Variants in URB1 observed in about 807,000 individuals in gnomAD.
URB1 encodes the protein nucleolar pre-ribosomal-associated protein 1.
In URB1, 197 loss-of-function variants were observed where a neutral mutation model predicts 242.3. The observed-to-expected ratio is 0.81, with a 90% confidence interval of 0.72 to 0.91. The LOEUF is 0.91. URB1 is among the 40% of genes least tolerant of loss of function. The probability of loss-of-function intolerance (pLI) is 0.00; values close to 1 mark genes in which losing one functional copy is unlikely to be tolerated. For missense variants in URB1, 2,721 were observed against 2,860.5 expected, an observed-to-expected ratio of 0.95 and a Z score of 1.11; for synonymous variants, 1,153 against 1,201.8, an observed-to-expected ratio of 0.96 and a Z score of 0.84.
rs113158287 is a variant in URB1, at chr21:32,373,433, T to TA, written c.876+213dup. Among the ~76,000 whole-genome samples, 41 of 145,426 alleles carry TA rather than the reference T, an allele frequency of 2.8e-4. No individual in the cohort carries two copies. In the East Asian group the frequency reaches 3.7e-3, roughly 13 times the overall value. ...CCCAAGGAAATCATAGTTTTCTAAT[T>TA]AAAAAAAAAAATTATTAGCATGATT... On this transcript the variant is annotated intron_variant, in intron 7 of 38. Coordinates refer to ENST00000382751, the MANE Select transcript of URB1 (RefSeq NM_014825.3).
intron 5 of URB1, chr21:32,377,221 G>A (rs779180238): frequency 2.1e-5 from 11 of 518,896 alleles, no homozygotes; most frequent in East Asian, 1.6e-4. Flanking sequence ...AGCAGCCTAC[G>A]GGAACAGAGG....
At chr21:32,341,358 G>T in intron 25 of URB1, 108 bp downstream of exon 25, 3 of 1,105,844 alleles carry the variant, frequency 2.7e-6, no homozygotes, top group Non-Finnish European at 2.6e-6. Context: ...AGGTGACATC[G>T]GCTCCACCAC....
In URB1 at chr21:32,366,659, G is replaced by A. The variant is rs926060771; in HGVS notation, c.1294C>T (p.Pro432Ser). 1.3e-6 allele frequency: 2 copies of A among 1,551,508 alleles called. No homozygotes were observed. Among genetic ancestry groups the A allele is most frequent in the South Asian group, 1.2e-5 (1 of 84,050 alleles). Residue 432 changes from proline to serine, a missense_variant, in exon 10 of 39, where the codon CCC becomes TCC. Physicochemically the swap from Pro to Ser is moderately conservative, Grantham distance 74. Coordinates refer to ENST00000382751, the MANE Select transcript of URB1 (RefSeq NM_014825.3). ...LLAMVMVTTVPLVCNKSMFTQ... is the reference protein window; with the variant it reads ...LLAMVMVTTVSLVCNKSMFTQ... ...AACATGCTCTTATTGCACACCAGGG[G>A]CACGGTGGTCACCATCACCATTGCC...
At chr21:32,362,098 G>A in intron 11 of URB1, 77 bp from the exon 12 acceptor site, 7 of 1,499,026 alleles carry the variant, frequency 4.7e-6, no homozygotes, top group Admixed American at 2.2e-5. Context: ...ACATTAACAA[G>A]ATGCAAAAAA....
Position 32,357,591 on chromosome 21 carries a change from A to G in URB1, c.1935T>C (p.Phe645=). The G allele has an allele frequency of 6.5e-7, 1 of 1,536,978 alleles. No individual in the cohort carries two copies. Among genetic ancestry groups the G allele is most frequent in the Admixed American group, 2.1e-5 (1 of 47,452 alleles). The part of the protein sequence containing the change: ...RSVFYLLMKM[F]VTSSHLQLKS... ...TCAGTTGTAAATGGCTACTGGTCAC[A>G]AACATTTTCATTAGTAAGTAAAATA... is the stretch of plus-strand genomic sequence containing the variant. Residue 645 remains phenylalanine, a synonymous_variant, in exon 15 of 39, where the codon TTT becomes TTC. Transcript: ENST00000382751.
At chr21:32,334,625 A>G (rs2032936519) in intron 28 of URB1, among the ~76,000 whole-genome samples, 1 of 152,098 alleles carries the variant, frequency 6.6e-6, no homozygotes, top group African/African-American at 2.4e-5. Flanking sequence ...TCTGCACAAC[A>G]TCTCCATCAG....
Position 32,324,708 on chromosome 21 carries a change from C to T in URB1, c.5122-106G>A, listed in dbSNP as rs755415995. ...AGGGCTCGGCAGGGTGTGCCTGCTT[C>T]TCATATCCCAGGGGCCACTGAAGAC... On this transcript the variant is annotated intron_variant, in intron 31 of 38. Coordinates refer to ENST00000382751, the MANE Select transcript of URB1 (RefSeq NM_014825.3). The T allele has an allele frequency of 6.4e-4, 503 of 785,044 alleles. 2 individuals are homozygous for T. Among genetic ancestry groups the T allele is most frequent in the Non-Finnish European group, 8.6e-4 (408 of 472,660 alleles). 48.6% of individuals were successfully genotyped at this position (785,044 alleles called of 1,614,324 possible). A position where few individuals can be genotyped will look rare whatever the true frequency, so the allele number is the denominator to read the frequency against.
chr21:32,378,569 A>C, intron 4 of URB1, 28 bp from the exon 5 acceptor site: 1 of 1,530,068 alleles, frequency 6.5e-7, no homozygotes, highest in Non-Finnish European at 8.9e-7. Flanking sequence ...CCTACATGTC[A>C]CATGCATATT....
chr21:32,322,389 G>T, intron 33 of URB1, 89 bp downstream of exon 33: 1 of 1,211,996 alleles, frequency 8.3e-7, no homozygotes, highest in East Asian at 2.6e-5. Context: ...GCAGCATACA[G>T]GATCCATGGG....
At chr21:32,338,334 T>A (rs1441423903) in intron 26 of URB1, among the ~76,000 whole-genome samples, 1 of 152,110 alleles carries the variant, frequency 6.6e-6, no homozygotes, top group Non-Finnish European at 1.5e-5. Context: ...AAAGTTTCAA[T>A]CTTCCCAAGC....
intron 2 of URB1, among the ~76,000 whole-genome samples, chr21:32,384,929 C>T (rs1423311485): frequency 2.0e-5 from 3 of 151,828 alleles, no homozygotes; most frequent in African/African-American, 4.8e-5. Flanking sequence ...TGCAGTGAGC[C>T]GAGACTGCGC....
At chr21:32,357,787 G>A in intron 14 of URB1, 131 bp from the exon 15 acceptor site, 1 of 696,470 alleles carries the variant, frequency 1.4e-6, no homozygotes, top group Non-Finnish European at 1.9e-6. Context: ...CAGCACTTTG[G>A]GAGGCCAAAG....
chr21:32,340,465 T>G (rs185010475), intron 25 of URB1, among the ~76,000 whole-genome samples: 2 of 152,176 alleles, frequency 1.3e-5, no homozygotes, highest in Admixed American at 1.3e-4. Context: ...TACAAAAAAT[T>G]AGCCGAGCAT....
At chr21:32,315,946 C>G (rs1339718881) in intron 38 of URB1, among the ~76,000 whole-genome samples, 1 of 152,224 alleles carries the variant, frequency 6.6e-6, no homozygotes, top group African/African-American at 2.4e-5. Flanking sequence ...TCTAACGGCC[C>G]CCTGGAGCTT....
At chr21:32,344,299 C>A (rs2033061327) in intron 24 of URB1, among the ~76,000 whole-genome samples, 2 of 152,066 alleles carry the variant, frequency 1.3e-5, no homozygotes, top group East Asian at 1.9e-4. Context: ...GTAGACTAAT[C>A]AAAAAACAAG....
intron 3 of URB1, 139 bp downstream of exon 3, chr21:32,384,172 CAG>C: frequency 9.5e-7 from 1 of 1,057,442 alleles, no homozygotes; most frequent in South Asian, 1.8e-5. Context: ...AGGAAGGGGG[CAG>C]AGACTCGGTC....
intron 20 of URB1, 120 bp downstream of exon 20, chr21:32,350,584 C>A: frequency 8.5e-7 from 1 of 1,180,014 alleles, no homozygotes; most frequent in African/African-American, 1.5e-5. Flanking sequence ...AGCACTTAAA[C>A]TGCCTCTGCA....
intron 8 of URB1, among the ~76,000 whole-genome samples, chr21:32,370,409 G>A (rs948192576): frequency 1.3e-5 from 2 of 152,090 alleles, no homozygotes; most frequent in African/African-American, 4.8e-5. Flanking sequence ...AGTTTGTACT[G>A]TCAAATGAAA....
chr21:32,379,805 C>T (rs1025124559), intron 4 of URB1, among the ~76,000 whole-genome samples: 1 of 152,108 alleles, frequency 6.6e-6, no homozygotes, highest in Non-Finnish European at 1.5e-5. Context: ...ACCCGGCCAA[C>T]ATGGTGAAAC....
Sources: gnomAD v4.1 joint callset for allele counts (sites outside exome capture counted in the v4.1 genomes callset) on GRCh38, gnomAD v4.1.1 for gene constraint, MANE v1.5 for transcripts, NCBI Gene and HGNC (gene_info 2026-07-23, HGNC 2026-07-21) for gene names.